The following SDK1 variants were observed in gnomAD, a reference collection of about 807,000 sequenced individuals.
SDK1 encodes the protein protein sidekick-1.
SDK1 carries 157 observed loss-of-function variants against 245.5 expected under a neutral mutation model. The observed-to-expected ratio is 0.64, with a 90% CI of 0.56 to 0.73. SDK1 has a LOEUF of 0.73. Among genes scored for constraint, SDK1 ranks in the 30% least tolerant of loss-of-function variants. The pLI, the probability that SDK1 is intolerant of heterozygous loss-of-function variation, is 0.00. For missense variants in SDK1, 3,583 were observed against 3,002.3 expected (o/e 1.19, Z -4.52); for synonymous variants, 1,647 against 1,278.5 (o/e 1.29, Z -6.15).
intron 1 of SDK1, among the ~76,000 whole-genome samples, chr7:3,467,119 T>C (rs961125032): frequency 1.3e-4 from 20 of 152,076 alleles, no homozygotes; most frequent in African/African-American, 4.1e-4. Flanking sequence ...ATTGAAGTTA[T>C]TTTATACTTC....
intron 1 of SDK1, among the ~76,000 whole-genome samples, chr7:3,549,257 G>C (rs1404696371): frequency 6.6e-6 from 1 of 152,182 alleles, no homozygotes; most frequent in Non-Finnish European, 1.5e-5. Flanking sequence ...TAGTCTTCCT[G>C]TGAGGATGCG....
intron 14 of SDK1, among the ~76,000 whole-genome samples, chr7:4,003,572 G>C (rs1336809057): frequency 3.3e-5 from 5 of 152,184 alleles, no homozygotes; most frequent in Non-Finnish European, 2.9e-5. Flanking sequence ...CTCTTAGCTA[G>C]ACCAGGATTA....
intron 1 of SDK1, among the ~76,000 whole-genome samples, chr7:3,605,941 TGA>T (rs1378849560): frequency 5.3e-5 from 8 of 152,340 alleles, no homozygotes; most frequent in South Asian, 2.1e-4. Flanking sequence ...TGATTTGGAA[TGA>T]TCCAATTATC....
intron 35 of SDK1, among the ~76,000 whole-genome samples, chr7:4,191,162 C>G (rs921406134): frequency 6.6e-6 from 1 of 152,156 alleles, no homozygotes; most frequent in Non-Finnish European, 1.5e-5. Context: ...GCCAACCCCG[C>G]GGCGGTCACA....
chr7:4,199,567 C>A (rs1240321648), intron 35 of SDK1, among the ~76,000 whole-genome samples: 2 of 152,162 alleles, frequency 1.3e-5, no homozygotes, highest in Non-Finnish European at 2.9e-5. Context: ...GCTCTCTGGC[C>A]TCATCCTCCT....
intron 14 of SDK1, among the ~76,000 whole-genome samples, chr7:3,991,239 G>C (rs533788525): frequency 6.6e-6 from 1 of 152,190 alleles, no homozygotes; most frequent in African/African-American, 2.4e-5. Flanking sequence ...CCCAGGCTCA[G>C]TGGGAAACAA....
At chr7:3,308,562 A>G (rs995826391) in intron 1 of SDK1, among the ~76,000 whole-genome samples, 2 of 152,196 alleles carry the variant, frequency 1.3e-5, no homozygotes, top group East Asian at 3.9e-4. Flanking sequence ...TAGTCAGGTA[A>G]ATCTATTTCT....
At chr7:3,801,566 A>T (rs1583428135) in intron 4 of SDK1, among the ~76,000 whole-genome samples, 1 of 152,158 alleles carries the variant, frequency 6.6e-6, no homozygotes, top group Admixed American at 6.5e-5. Context: ...GAGCAACCAG[A>T]TCATCAGGTT....
At chr7:3,747,727 G>A (rs899423820) in intron 4 of SDK1, among the ~76,000 whole-genome samples, 1 of 151,988 alleles carries the variant, frequency 6.6e-6, no homozygotes, top group African/African-American at 2.4e-5. Flanking sequence ...GTATGGTGAG[G>A]GGTTTTCACT....
At chr7:3,821,650 G>A in intron 5 of SDK1, 67 bp downstream of exon 5, 1 of 1,530,538 alleles carries the variant, frequency 6.5e-7, no homozygotes, top group Non-Finnish European at 8.9e-7. Flanking sequence ...AGTAACCACT[G>A]TCTGACAGGA....
At chr7:3,571,893 G>T (rs534194827) in intron 1 of SDK1, among the ~76,000 whole-genome samples, 1 of 151,996 alleles carries the variant, frequency 6.6e-6, no homozygotes, top group East Asian at 1.9e-4. Context: ...TTTCTACCTA[G>T]CCCTTAAAAA....
intron 39 of SDK1, among the ~76,000 whole-genome samples, chr7:4,220,765 GT>G (rs1172395057): frequency 1.3e-5 from 2 of 151,762 alleles, no homozygotes; most frequent in Non-Finnish European, 2.9e-5. Flanking sequence ...CCCTCTTCAG[GT>G]TTTTTTGTTG....
At chr7:3,580,764 T>G (rs925980931) in intron 1 of SDK1, among the ~76,000 whole-genome samples, 1 of 151,726 alleles carries the variant, frequency 6.6e-6, no homozygotes, top group African/African-American at 2.4e-5. Context: ...GTCAAGAGAT[T>G]GAGACGATCC....
At chr7:3,600,757 C>G (rs1781230190) in intron 1 of SDK1, among the ~76,000 whole-genome samples, 2 of 151,916 alleles carry the variant, frequency 1.3e-5, no homozygotes, top group Admixed American at 6.6e-5. Flanking sequence ...ACCGTGTTAG[C>G]CAGGATGGTC....
At chr7:4,113,564 C>T (rs1783493827) in intron 24 of SDK1, 125 bp downstream of exon 24, 2 of 1,119,790 alleles carry the variant, frequency 1.8e-6, no homozygotes, top group African/African-American at 3.1e-5. Context: ...ATCTCATCGT[C>T]AAACCAAAAA....
At chr7:3,363,475 C>T (rs773105122) in intron 1 of SDK1, among the ~76,000 whole-genome samples, 11 of 151,852 alleles carry the variant, frequency 7.2e-5, no homozygotes, top group Non-Finnish European at 1.2e-4. Context: ...GTGATAAGTG[C>T]CTAGGAATTC....
Position 4,233,428 on chromosome 7 carries a change from T to C in SDK1, c.5992+9T>C. The C allele has an allele frequency of 6.2e-7, 1 of 1,608,664 alleles. No homozygotes were observed. The highest frequency in any genetic ancestry group is 8.5e-7 in the Non-Finnish European group (1 of 1,178,704). ...CTCCACGGCTGTGTCAGGTAGGCCC[T>C]CCCAGGGAGGTCTGTCTTCTTCTGG... is the stretch of plus-strand genomic sequence containing the variant. On this transcript the variant is annotated intron_variant, in intron 41 of 44. Coordinates refer to ENST00000404826, the MANE Select transcript of SDK1 (RefSeq NM_152744.4).
At chr7:3,400,754 T>C (rs576737559) in intron 1 of SDK1, among the ~76,000 whole-genome samples, 2 of 152,278 alleles carry the variant, frequency 1.3e-5, no homozygotes, top group East Asian at 1.9e-4. Flanking sequence ...ATTAAAAATA[T>C]ATACACAGGC....
At chr7:4,105,494 A>G (rs1361590038) in intron 22 of SDK1, among the ~76,000 whole-genome samples, 1 of 151,072 alleles carries the variant, frequency 6.6e-6, no homozygotes, top group East Asian at 2.0e-4. Flanking sequence ...TTTAGTAGAG[A>G]TGGGGTTTCA....
Sources: allele counts gnomAD v4.1 joint callset (sites outside exome capture counted in the v4.1 genomes callset), GRCh38; gene constraint gnomAD v4.1.1; transcripts MANE v1.5; gene names NCBI Gene and HGNC (gene_info 2026-07-23, HGNC 2026-07-21).